Variants in SCP2 observed in about 807,000 individuals in gnomAD.
SCP2 encodes sterol carrier protein 2, also known as SCP-2/3-oxoacyl-CoA thiolase.
In SCP2, 48 loss-of-function variants were observed where a neutral mutation model predicts 71.4. That is an observed-to-expected ratio of 0.67 (90% CI 0.53 to 0.86). SCP2 has a LOEUF of 0.86. SCP2 is among the 40% of genes least tolerant of loss of function. The pLI is 0.00. For synonymous variants in SCP2, 220 were observed against 218.1 expected, an observed-to-expected ratio of 1.01 and a Z score of -0.08; for missense variants, 560 against 655.6, an observed-to-expected ratio of 0.85 and a Z score of 1.59.
chr1:52,959,730 G>A (rs992652128), intron 5 of SCP2, among the ~76,000 whole-genome samples: 1 of 151,782 alleles, frequency 6.6e-6, no homozygotes, highest in Non-Finnish European at 1.5e-5. Flanking sequence ...TGTTATTCCC[G>A]TCTTTTTAAT....
intron 12 of SCP2, among the ~76,000 whole-genome samples, chr1:53,025,091 C>T (rs72903120): frequency 0.14 from 20,844 of 152,048 alleles, 2,044 homozygotes; most frequent in East Asian, 0.32. Flanking sequence ...GACTTCCACC[C>T]TCCACTGAAA....
intron 1 of SCP2, among the ~76,000 whole-genome samples, chr1:52,932,848 T>C (rs1304021587): frequency 6.6e-6 from 1 of 152,168 alleles, no homozygotes. Flanking sequence ...ATAATTCTAC[T>C]TCATCCCTTG....
At chr1:53,013,048 C>T (rs1465272707) in intron 11 of SCP2, among the ~76,000 whole-genome samples, 2 of 151,404 alleles carry the variant, frequency 1.3e-5, no homozygotes, top group African/African-American at 4.9e-5. Flanking sequence ...CTTTGACCTT[C>T]CTCATTAATT....
chr1:53,011,629 C>A (rs1660993562), intron 11 of SCP2, among the ~76,000 whole-genome samples: 1 of 152,194 alleles, frequency 6.6e-6, no homozygotes, highest in Admixed American at 6.5e-5. Context: ...GTGGCTTGGA[C>A]TTGCATTTGG....
intron 11 of SCP2, chr1:52,993,754 G>A (rs1031515896): frequency 4.4e-6 from 7 of 1,597,906 alleles, no homozygotes; most frequent in East Asian, 4.5e-5. Context: ...ACTCCTGCAT[G>A]CCTCCTCAAT....
intron 11 of SCP2, among the ~76,000 whole-genome samples, chr1:53,003,163 C>T (rs1660426544): frequency 6.6e-6 from 1 of 152,162 alleles, no homozygotes. Context: ...ACTCTAGATA[C>T]CTGTTGCTAG....
intron 12 of SCP2, among the ~76,000 whole-genome samples, chr1:53,015,566 CT>C (rs148889653): frequency 6.4e-4 from 98 of 152,326 alleles, no homozygotes; most frequent in African/African-American, 2.3e-3. Flanking sequence ...TTGCTTATCT[CT>C]CAAAGAAATG....
At chr1:52,978,553 T>C (rs1210564755) in intron 9 of SCP2, among the ~76,000 whole-genome samples, 186 bp downstream of exon 9, 6 of 152,174 alleles carry the variant, frequency 3.9e-5, no homozygotes, top group African/African-American at 1.4e-4. Flanking sequence ...TGTTTTGTTT[T>C]GTTGTTCTTT....
rs868007935 is a variant in SCP2 at position 52,987,013 on chromosome 1, T to A, written c.974-1016T>A. On this transcript the variant is annotated intron_variant, in intron 10 of 15. Coordinates refer to ENST00000371514, the MANE Select transcript of SCP2 (RefSeq NM_002979.5). The stretch of plus-strand genomic sequence containing the variant: ...ATATATATATATATATATATTTTTT[T>A]TTTTTTTTTTTTGAGACAGAGTTTT... 4.8e-3 allele frequency among the ~76,000 whole-genome samples: 636 copies of A among 132,030 alleles called. 3 individuals are homozygous for A. Among genetic ancestry groups the A allele is most frequent in the East Asian group, 9.6e-3 (45 of 4,684 alleles). 86.6% of individuals were successfully genotyped at this position (132,030 alleles called of 152,430 possible).
chr1:53,016,341 A>G (rs12132507), intron 12 of SCP2, among the ~76,000 whole-genome samples: 45,107 of 152,024 alleles, frequency 0.3, 8,670 homozygotes, highest in Non-Finnish European at 0.43. Context: ...AATTCCCTTT[A>G]TTATATGAAA....
At chr1:52,939,428 C>G (rs923804508) in intron 1 of SCP2, among the ~76,000 whole-genome samples, 4 of 152,084 alleles carry the variant, frequency 2.6e-5, no homozygotes, top group African/African-American at 9.7e-5. Context: ...CACCTGTGAT[C>G]TCAGCTACTC....
intron 12 of SCP2, among the ~76,000 whole-genome samples, chr1:53,015,276 A>G (rs201979377): frequency 5.3e-5 from 8 of 152,330 alleles, no homozygotes; most frequent in Admixed American, 4.6e-4. Flanking sequence ...GTACTGAACT[A>G]GAAGCCTGAG....
intron 1 of SCP2, among the ~76,000 whole-genome samples, chr1:52,934,428 CA>C (rs1028589083): frequency 8.6e-5 from 13 of 150,724 alleles, no homozygotes; most frequent in African/African-American, 2.9e-4. Flanking sequence ...GATATTTTTC[CA>C]AAAAAACCAA....
At position 53,046,852 on chromosome 1, in the gene SCP2, G is replaced by A. The variant is rs573970593; in HGVS notation, c.1469-1006G>A. ...TTGTTAACCCTTGATCTAGAGAACC[G>A]TATTCATTTTCTATTACTGCATAAC... On this transcript the variant is annotated intron_variant, in intron 14 of 15. Transcript: ENST00000371514. 7.2e-5 allele frequency among the ~76,000 whole-genome samples: 11 copies of A among 152,266 alleles called. No individual in the cohort carries two copies. The South Asian group carries it at 1.0e-3, about 14-fold the overall frequency.
At chr1:52,936,143 AT>A (rs1395175669) in intron 1 of SCP2, among the ~76,000 whole-genome samples, 1 of 152,200 alleles carries the variant, frequency 6.6e-6, no homozygotes, top group African/African-American at 2.4e-5. Context: ...TTCCCACTTT[AT>A]TTTGGAAAAT....
intron 6 of SCP2, among the ~76,000 whole-genome samples, chr1:52,967,694 G>T (rs1036386422): frequency 1.3e-5 from 2 of 152,132 alleles, no homozygotes; most frequent in Non-Finnish European, 2.9e-5. Flanking sequence ...GGGGCTCCTT[G>T]CTTCTAGTGA....
At chr1:53,048,113 T>C (rs927132477) in intron 15 of SCP2, 176 bp downstream of exon 15, 2 of 631,330 alleles carry the variant, frequency 3.2e-6, no homozygotes, top group Non-Finnish European at 3.0e-6. Flanking sequence ...TCTTGTGTGC[T>C]GGAAGTGCCC....
At chr1:52,970,317 A>G (rs935312961) in intron 6 of SCP2, among the ~76,000 whole-genome samples, 1 of 152,110 alleles carries the variant, frequency 6.6e-6, no homozygotes, top group African/African-American at 2.4e-5. Flanking sequence ...AGGTGCAATC[A>G]TGGTGCACCA....
chr1:53,008,351 C>A (rs1242026826), intron 11 of SCP2, among the ~76,000 whole-genome samples: 1 of 152,140 alleles, frequency 6.6e-6, no homozygotes, highest in Non-Finnish European at 1.5e-5. Context: ...GACCAATATC[C>A]CTGATGAACA....
Sources: gnomAD v4.1 joint callset for allele counts (sites outside exome capture counted in the v4.1 genomes callset) on GRCh38, gnomAD v4.1.1 for gene constraint, MANE v1.5 for transcripts, NCBI Gene and HGNC (gene_info 2026-07-23, HGNC 2026-07-21) for gene names.